Variants in USP33 observed in about 807,000 individuals in gnomAD.
USP33 encodes the protein ubiquitin specific peptidase 33, also known as ubiquitin carboxyl-terminal hydrolase 33.
In USP33, 46 loss-of-function variants were observed where a neutral mutation model predicts 124.2. The observed-to-expected ratio is 0.37, with a 90% CI of 0.29 to 0.47. The LOEUF (loss-of-function observed/expected upper bound fraction) is 0.47, where lower values mean the gene tolerates loss of function less well. USP33 is among the 20% of genes least tolerant of loss of function. USP33 has a pLI of 0.99. For synonymous variants in USP33, 350 were observed against 352.3 expected, an observed-to-expected ratio of 0.99 and a Z score of 0.07; for missense variants, 851 against 1,070.6, an observed-to-expected ratio of 0.79 and a Z score of 2.86.
At chr1:77,751,823 G>A (rs1007692308) in intron 1 of USP33, among the ~76,000 whole-genome samples, 1 of 151,742 alleles carries the variant, frequency 6.6e-6, no homozygotes, top group Non-Finnish European at 1.5e-5. Flanking sequence ...TGAGTAGCTG[G>A]GACTACAGGC....
chr1:77,720,475 C>T, intron 15 of USP33: 1 of 985,386 alleles, frequency 1.0e-6, no homozygotes, highest in Non-Finnish European at 1.2e-6. Flanking sequence ...AAATAGTATA[C>T]CATTCCTTTC....
intron 15 of USP33, among the ~76,000 whole-genome samples, chr1:77,719,967 G>T (rs1190759573): frequency 6.6e-6 from 1 of 151,220 alleles, no homozygotes; most frequent in African/African-American, 2.4e-5. Flanking sequence ...TTCACAAACA[G>T]CCTGGGCAAC....
At chr1:77,724,244 G>C (rs1177081093) in intron 11 of USP33, among the ~76,000 whole-genome samples, 2 of 151,992 alleles carry the variant, frequency 1.3e-5, no homozygotes, top group Non-Finnish European at 2.9e-5. Flanking sequence ...TCCAGGTAAG[G>C]CTTTATTTGA....
At position 77,728,531 on chromosome 1, in the gene USP33, T is replaced by C; in HGVS notation, c.899A>G (p.Glu300Gly). The C allele has an allele frequency of 1.2e-6, 2 of 1,614,206 alleles. No homozygotes were observed. The highest frequency in any genetic ancestry group is 1.6e-4 in the Middle Eastern group (1 of 6,062). ...AAAGCATCTAGAGCCATTTTCATTT[T>C]CTGCTCTATCACTGTTGCTACAAGA... ...CESCSNSDRA[E>G]NENGSRCFSE... Residue 300 changes from glutamate to glycine, a missense_variant, in exon 10 of 24, where the codon GAA becomes GGA. Around this residue, in one of 4 missense-constraint regions of USP33, gnomAD observed 207 missense variants for 200.9 expected, o/e 1.03. Transcript: ENST00000370794.
rs1367116997 is a variant in USP33 at position 77,739,250 on chromosome 1, G to T, written c.351+15C>A. The stretch of plus-strand genomic sequence containing the variant: ...GAATGTTTTACAGCTTAACTAAGTG[G>T]ATCTAGATTATTACCTGGACACTGT... On this transcript the variant is annotated intron_variant, in intron 5 of 23. Coordinates refer to ENST00000370794, the MANE Select transcript of USP33 (RefSeq NM_201624.3). 1.2e-6 allele frequency: 2 copies of T among 1,600,570 alleles called. No individual in the cohort carries two copies. The highest frequency in any genetic ancestry group is 1.1e-5 in the South Asian group (1 of 87,776).
intron 22 of USP33, among the ~76,000 whole-genome samples, chr1:77,698,513 T>C (rs982762140): frequency 6.6e-6 from 1 of 150,636 alleles, no homozygotes; most frequent in Non-Finnish European, 1.5e-5. Flanking sequence ...TTTTTTTTTT[T>C]TTTTGAGACG....
chr1:77,719,608 T>A (rs1676325081), intron 15 of USP33, among the ~76,000 whole-genome samples: 1 of 152,146 alleles, frequency 6.6e-6, no homozygotes, highest in South Asian at 2.1e-4. Context: ...ATCCCAGCAT[T>A]TTGGGAGGCC....
At chr1:77,727,461 A>C (rs115620232) in intron 10 of USP33, among the ~76,000 whole-genome samples, 1,534 of 152,352 alleles carry the variant, frequency 0.01, 11 homozygotes, top group South Asian at 0.018. Context: ...CAAGATCAGT[A>C]TAATTAAGGA....
At chr1:77,730,467 G>T in intron 8 of USP33, 151 bp downstream of exon 8, 1 of 488,052 alleles carries the variant, frequency 2.0e-6, no homozygotes, top group Non-Finnish European at 3.4e-6. Context: ...CTTACATTCA[G>T]CTTCAAATGT....
chr1:77,759,396 T>C, intron 1 of USP33: 1 of 391,728 alleles, frequency 2.6e-6, no homozygotes. Flanking sequence ...CTTCCTCAAA[T>C]CAACGACCGG....
chr1:77,731,785 C>A (rs1452760601), intron 7 of USP33, among the ~76,000 whole-genome samples: 1 of 152,118 alleles, frequency 6.6e-6, no homozygotes, highest in Non-Finnish European at 1.5e-5. Flanking sequence ...CAAAAACAAA[C>A]ATACACGTAA....
chr1:77,701,569 T>C (rs972118196), intron 21 of USP33, 98 bp from the exon 22 acceptor site: 7 of 996,324 alleles, frequency 7.0e-6, no homozygotes, highest in Admixed American at 4.6e-5. Flanking sequence ...ACTCAGCACT[T>C]TGGGAGGCTG....
chr1:77,707,458 GATCTC>G (rs1031418531), intron 21 of USP33, among the ~76,000 whole-genome samples: 1 of 152,160 alleles, frequency 6.6e-6, no homozygotes, highest in African/African-American at 2.4e-5. Flanking sequence ...AACTGAGGAT[GATCTC>G]ATCTCAAAAA....
intron 20 of USP33, among the ~76,000 whole-genome samples, chr1:77,712,376 T>C (rs1242975800): frequency 6.6e-6 from 1 of 152,132 alleles, no homozygotes; most frequent in East Asian, 1.9e-4. Flanking sequence ...ATATAAACAT[T>C]AGCCAGGCAT....
chr1:77,733,395 A>AC (rs1254699145), intron 7 of USP33, among the ~76,000 whole-genome samples: 1 of 151,766 alleles, frequency 6.6e-6, no homozygotes, highest in Non-Finnish European at 1.5e-5. Flanking sequence ...CCAGCCTAAA[A>AC]AAAAAAAAAG....
intron 11 of USP33, 134 bp downstream of exon 11, chr1:77,725,486 CTA>C: frequency 7.9e-7 from 1 of 1,271,262 alleles, no homozygotes; most frequent in Non-Finnish European, 1.1e-6. Flanking sequence ...TTAATCATGT[CTA>C]TGTAAAATTA....
At chr1:77,748,316 T>C (rs1482404575) in intron 1 of USP33, among the ~76,000 whole-genome samples, 2 of 152,220 alleles carry the variant, frequency 1.3e-5, no homozygotes, top group Non-Finnish European at 2.9e-5. Context: ...CTAATTTTAA[T>C]GCTCTTGACA....
chr1:77,757,575 T>C (rs1680916326), intron 1 of USP33, among the ~76,000 whole-genome samples: 1 of 152,226 alleles, frequency 6.6e-6, no homozygotes, highest in East Asian at 1.9e-4. Flanking sequence ...AATAGAGCTG[T>C]TACTTATTCC....
Position 77,729,977 on chromosome 1 carries a change from T to G in USP33, c.639-39A>C, listed in dbSNP as rs199732993. The G allele has an allele frequency of 6.3e-5, 96 of 1,533,714 alleles. 3 individuals are homozygous for G. In the Admixed American group the frequency reaches 1.9e-3, roughly 30 times the overall value. On this transcript the variant is annotated intron_variant, in intron 8 of 23. Transcript: ENST00000370794. ...CATTTTTAAAGAGCAATTTTTGTTATTTTTAATTTTCATTTTAAAAATTAA... is the reference window on the plus strand; with the variant it reads ...CATTTTTAAAGAGCAATTTTTGTTAGTTTTAATTTTCATTTTAAAAATTAA...
Sources: gnomAD v4.1 joint callset for allele counts (sites outside exome capture counted in the v4.1 genomes callset) on GRCh38, gnomAD v4.1.1 for gene constraint, gnomAD v4.1.1 regional missense constraint, MANE v1.5 for transcripts, NCBI Gene and HGNC (gene_info 2026-07-23, HGNC 2026-07-21) for gene names.